Variants in ITPR2 observed in about 807,000 individuals in gnomAD.
ITPR2 encodes the protein inositol 1,4,5-trisphosphate receptor type 2, also known as inositol 1,4,5-trisphosphate-gated calcium channel ITPR2.
ITPR2 carries 207 observed loss-of-function variants against 317.1 expected under a neutral mutation model. That is an observed-to-expected ratio of 0.65 (90% CI 0.58 to 0.73). The LOEUF (loss-of-function observed/expected upper bound fraction) is 0.73. Ranked by LOEUF, ITPR2 falls within the 30% of genes least tolerant of loss-of-function variation. The probability of loss-of-function intolerance (pLI) is 0.00; values close to 1 mark genes in which losing one functional copy is unlikely to be tolerated. For missense variants in ITPR2, 2,613 were observed against 3,284.0 expected, an observed-to-expected ratio of 0.80 and a Z score of 4.99; for synonymous variants, 1,156 against 1,149.1, an observed-to-expected ratio of 1.01 and a Z score of -0.12.
intron 52 of ITPR2, among the ~76,000 whole-genome samples, chr12:26,402,626 CT>C (rs1255488335): frequency 1.3e-5 from 2 of 152,220 alleles, no homozygotes; most frequent in African/African-American, 4.8e-5. Flanking sequence ...GGAGAACACC[CT>C]GGTCAGGTCA....
intron 10 of ITPR2, among the ~76,000 whole-genome samples, chr12:26,689,730 TAGA>T (rs1948199174): frequency 6.6e-6 from 1 of 152,112 alleles, no homozygotes; most frequent in South Asian, 2.1e-4. Flanking sequence ...CAGGGCCCAG[TAGA>T]AGACCATGTG....
At chr12:26,781,497 T>A (rs928508815) in intron 2 of ITPR2, among the ~76,000 whole-genome samples, 1 of 152,318 alleles carries the variant, frequency 6.6e-6, no homozygotes, top group East Asian at 1.9e-4. Flanking sequence ...GGGCTGGGGA[T>A]TGGTACATTT....
intron 55 of ITPR2, chr12:26,373,847 T>C (rs1939259039): frequency 6.6e-6 from 1 of 152,238 alleles, no homozygotes; most frequent in Non-Finnish European, 1.5e-5. Context: ...GTTCTTCACT[T>C]GAAGGAGCCC....
chr12:26,715,420 G>A lies in ITPR2; in HGVS notation c.734C>T (p.Ala245Val). The A allele has an allele frequency of 1.2e-6, 2 of 1,612,904 alleles. No individual in the cohort carries two copies. The highest frequency in any genetic ancestry group is 1.7e-6 in the Non-Finnish European group (2 of 1,179,342). Residue 245 changes from alanine (A) to valine (V), a missense_variant, in exon 8 of 57, where the codon GCG becomes GTG. Ala to Val is a moderately conservative substitution (Grantham distance 64, BLOSUM62 0). Coordinates refer to ENST00000381340, the MANE Select transcript of ITPR2 (RefSeq NM_002223.4). Reference sequence around the variant, plus strand: ...ACAAGTCAAAAACTTCTCTTGTTCCGCATGAAATAATCTAACAACGTCCCC... The same window carrying A: ...ACAAGTCAAAAACTTCTCTTGTTCCACATGAAATAATCTAACAACGTCCCC... The part of the protein sequence containing the change: ...KGGDVVRLFH[A>V]EQEKFLTCDE...
At chr12:26,465,650 T>C (rs1345675570) in intron 45 of ITPR2, among the ~76,000 whole-genome samples, 1 of 152,070 alleles carries the variant, frequency 6.6e-6, no homozygotes, top group East Asian at 1.9e-4. Context: ...ATACTCACTT[T>C]CCTAAGCACA....
At chr12:26,432,321 A>C (rs1488823005) in intron 48 of ITPR2, among the ~76,000 whole-genome samples, 1 of 152,106 alleles carries the variant, frequency 6.6e-6, no homozygotes, top group Admixed American at 6.6e-5. Flanking sequence ...ATTATGTTGT[A>C]GTATATCCCT....
chr12:26,513,919 G>T (rs1943425296), intron 37 of ITPR2, among the ~76,000 whole-genome samples: 1 of 148,334 alleles, frequency 6.7e-6, no homozygotes, highest in Non-Finnish European at 1.5e-5. Context: ...ACATCCACTT[G>T]TTGTGTTTCC....
chr12:26,344,069 G>GCT (rs1479384293), intron 55 of ITPR2, among the ~76,000 whole-genome samples: 1 of 152,116 alleles, frequency 6.6e-6, no homozygotes. Context: ...GTCCTTTCTT[G>GCT]CTCTCTCTCA....
chr12:26,375,989 C>T (rs1284698947), intron 55 of ITPR2, among the ~76,000 whole-genome samples: 1 of 152,124 alleles, frequency 6.6e-6, no homozygotes, highest in Non-Finnish European at 1.5e-5. Flanking sequence ...GTCCCAGCTA[C>T]TTGGGGGCAC....
chr12:26,480,977 T>C (rs1942532637), intron 43 of ITPR2, among the ~76,000 whole-genome samples, 154 bp downstream of exon 43: 1 of 152,262 alleles, frequency 6.6e-6, no homozygotes, highest in Non-Finnish European at 1.5e-5. Flanking sequence ...TAACTTCACA[T>C]TGCATCTGGA....
rs1161714052 is a variant in ITPR2, at chr12:26,781,992, G to GTATATATA, written c.163+8157_163+8164dup. Among the ~76,000 whole-genome samples the GTATATATA allele has an allele frequency of 3.1e-3, 177 of 56,812 alleles. 2 individuals carry two copies. The highest frequency in any genetic ancestry group is 4.4e-3 in the Non-Finnish European group (136 of 31,120). 37.3% of individuals were successfully genotyped at this position (56,812 alleles called of 152,430 possible). A position where few individuals can be genotyped will look rare whatever the true frequency, so the allele number is the denominator to read the frequency against. ...TTAATACTACTTAATAAACTCCCCT[G>GTATATATA]TATATATATATATATATATATATAT... On this transcript the variant is annotated intron_variant, in intron 2 of 56. Transcript: ENST00000381340.
Position 26,461,255 on chromosome 12 carries a change from T to A in ITPR2, c.6342+14041A>T, listed in dbSNP as rs1046325711. Among the ~76,000 whole-genome samples the A allele has an allele frequency of 6.6e-5, 10 of 152,164 alleles. No individual in the cohort carries two copies. In the East Asian group the frequency reaches 1.9e-3, roughly 29 times the overall value. ...TATAAGCATGAAAAATATTTAAAAATAAATGACTCAGTTTTCACAAGGATA... is the reference window on the plus strand; with the variant it reads ...TATAAGCATGAAAAATATTTAAAAAAAAATGACTCAGTTTTCACAAGGATA... On this transcript the variant is annotated intron_variant, in intron 45 of 56. Coordinates refer to ENST00000381340, the MANE Select transcript of ITPR2 (RefSeq NM_002223.4).
chr12:26,540,310 G>A (rs752474815), intron 37 of ITPR2, among the ~76,000 whole-genome samples: 2 of 152,182 alleles, frequency 1.3e-5, no homozygotes, highest in Non-Finnish European at 2.9e-5. Flanking sequence ...AAATTAGAAT[G>A]ATATGGAATT....
chr12:26,783,675 CA>C (rs1292251682), intron 2 of ITPR2, among the ~76,000 whole-genome samples: 2 of 151,790 alleles, frequency 1.3e-5, no homozygotes, highest in Non-Finnish European at 1.5e-5. Flanking sequence ...AAATTGTACA[CA>C]AAAAAATAAG....
At position 26,495,178 on chromosome 12, in the gene ITPR2, G is replaced by T; in HGVS notation, c.5156C>A (p.Ala1719Asp). Residue 1719 changes from alanine (A) to aspartate (D), a missense_variant, in exon 38 of 57, where the codon GCC becomes GAC. Ala to Asp is a moderately radical substitution (Grantham distance 126, BLOSUM62 -2). Around this residue, in one of 9 missense-constraint regions of ITPR2, gnomAD observed 926 missense variants for 1,072.8 expected, o/e 0.86. Transcript: ENST00000381340. ...SIGVNGHLSG[A>D]YSKTAQVGGS... Reference sequence around the variant, plus strand: ...TCCCACCTGTGCAGTTTTGGAGTAGGCTCCTGATAGGTGTCCATTCACACC... The same window carrying T: ...TCCCACCTGTGCAGTTTTGGAGTAGTCTCCTGATAGGTGTCCATTCACACC... 6.2e-7 allele frequency: 1 copy of T among 1,603,488 alleles called. No homozygotes were observed. The highest frequency in any genetic ancestry group is 8.5e-7 in the Non-Finnish European group (1 of 1,170,372).
At chr12:26,734,874 T>C (rs1488910726) in intron 2 of ITPR2, among the ~76,000 whole-genome samples, 1 of 152,132 alleles carries the variant, frequency 6.6e-6, no homozygotes, top group Non-Finnish European at 1.5e-5. Flanking sequence ...TATACTCCAA[T>C]AAGACTAGCT....
At chr12:26,697,804 A>T (rs1240385068) in intron 9 of ITPR2, among the ~76,000 whole-genome samples, 1 of 150,888 alleles carries the variant, frequency 6.6e-6, no homozygotes, top group Non-Finnish European at 1.5e-5. Flanking sequence ...AAATAATTAT[A>T]ATAATAATAA....
chr12:26,633,893 C>T (rs1401384518), intron 21 of ITPR2, among the ~76,000 whole-genome samples: 1 of 152,230 alleles, frequency 6.6e-6, no homozygotes, highest in Admixed American at 6.5e-5. Context: ...CCCACAGTGT[C>T]TGCATCTTAT....
intron 48 of ITPR2, among the ~76,000 whole-genome samples, chr12:26,431,125 G>A (rs1023980724): frequency 3.9e-5 from 6 of 151,988 alleles, no homozygotes; most frequent in Admixed American, 1.3e-4. Context: ...AGCACATAGC[G>A]GCGCTCCACC....
Sources: allele counts gnomAD v4.1 joint callset (sites outside exome capture counted in the v4.1 genomes callset), GRCh38; gene constraint gnomAD v4.1.1; regional missense constraint gnomAD v4.1.1; transcripts MANE v1.5; gene names NCBI Gene and HGNC (gene_info 2026-07-23, HGNC 2026-07-21).